The following SLC1A2 variants were observed in gnomAD, a reference collection of about 807,000 sequenced individuals.
SLC1A2 encodes the protein solute carrier family 1 member 2.
A neutral mutation model predicts 48.8 loss-of-function variants in SLC1A2; 15 were observed. The ratio of observed to expected loss-of-function variants is 0.31; its 90% CI spans 0.21 to 0.47. The LOEUF (loss-of-function observed/expected upper bound fraction) is 0.47. Ranked by LOEUF, SLC1A2 falls within the 20% of genes least tolerant of loss-of-function variation. The probability of loss-of-function intolerance (pLI) is 0.99; values close to 1 mark genes in which losing one functional copy is unlikely to be tolerated. For missense variants in SLC1A2, 502 were observed against 730.5 expected (o/e 0.69, Z 3.61); for synonymous variants, 279 against 272.6 (o/e 1.02, Z -0.23).
chr11:35,338,826 G>T (rs1852730791), intron 1 of SLC1A2, among the ~76,000 whole-genome samples: 2 of 152,170 alleles, frequency 1.3e-5, no homozygotes, highest in Admixed American at 1.3e-4. Context: ...CTTTGAAATA[G>T]ACACAATTAC....
At chr11:35,376,405 T>A (rs1854230228) in intron 1 of SLC1A2, among the ~76,000 whole-genome samples, 1 of 152,218 alleles carries the variant, frequency 6.6e-6, no homozygotes, top group Non-Finnish European at 1.5e-5. Context: ...TTTCTTAGTT[T>A]CGATCAATGC....
intron 1 of SLC1A2, among the ~76,000 whole-genome samples, chr11:35,324,817 GACCCAAC>G (rs1345149446): frequency 6.6e-6 from 1 of 152,032 alleles, no homozygotes; most frequent in Non-Finnish European, 1.5e-5. Flanking sequence ...AGCCAGCTTT[GACCCAAC>G]AAATTTGCTT....
At chr11:35,343,200 G>A (rs1852905643) in intron 1 of SLC1A2, among the ~76,000 whole-genome samples, 1 of 152,230 alleles carries the variant, frequency 6.6e-6, no homozygotes, top group African/African-American at 2.4e-5. Context: ...AGCAGCATAG[G>A]CTAGGGGCTG....
intron 1 of SLC1A2, among the ~76,000 whole-genome samples, chr11:35,395,522 G>A (rs960349345): frequency 1.3e-5 from 2 of 151,982 alleles, no homozygotes; most frequent in African/African-American, 4.8e-5. Flanking sequence ...CCATGGGGAG[G>A]TGACAAACAC....
At chr11:35,289,871 T>C (rs10488816) in intron 7 of SLC1A2, among the ~76,000 whole-genome samples, 39,276 of 152,086 alleles carry the variant, frequency 0.26, 5,228 homozygotes, top group Admixed American at 0.3. Context: ...TTGTGACACA[T>C]GAGCTAATAT....
chr11:35,416,324 C>A (rs1855602600), intron 1 of SLC1A2, among the ~76,000 whole-genome samples: 1 of 152,222 alleles, frequency 6.6e-6, no homozygotes, highest in Non-Finnish European at 1.5e-5. Context: ...CAGATGATAA[C>A]CCCAAAGCTT....
At chr11:35,263,154 A>C (rs886731401) in intron 10 of SLC1A2, among the ~76,000 whole-genome samples, 2 of 152,192 alleles carry the variant, frequency 1.3e-5, no homozygotes, top group African/African-American at 4.8e-5. Context: ...TAGGGCTTGA[A>C]ATAGTTTGCT....
intron 1 of SLC1A2, among the ~76,000 whole-genome samples, chr11:35,331,553 G>A (rs1267567790): frequency 1.3e-5 from 2 of 152,192 alleles, no homozygotes. Context: ...TTCTTCTTAA[G>A]AGAAGAATGT....
chr11:35,277,101 G>A (rs1341240761), intron 9 of SLC1A2, among the ~76,000 whole-genome samples: 1 of 152,170 alleles, frequency 6.6e-6, no homozygotes, highest in African/African-American at 2.4e-5. Context: ...GAGCCTTCAC[G>A]ATATAATCAC....
In SLC1A2 at chr11:35,259,582, G is replaced by A. The variant is rs993827323; in HGVS notation, c.*1312C>T. 1.3e-5 allele frequency: 2 copies of A among 152,220 alleles called. No homozygotes were observed. Among genetic ancestry groups the A allele is most frequent in the Non-Finnish European group, 2.9e-5 (2 of 68,038 alleles). The allele number at this position is 152,220 out of a possible 1,614,324, so 9.4% of individuals were successfully genotyped here. On this transcript the variant is annotated 3_prime_UTR_variant, in exon 11 of 11. Coordinates refer to ENST00000278379, the MANE Select transcript of SLC1A2 (RefSeq NM_004171.4). ...CTTAAAACTTCACAGCCTTAAACAAGATTCCATCTGTGAAGTTGTACAGAG... is the reference window on the plus strand; with the variant it reads ...CTTAAAACTTCACAGCCTTAAACAAAATTCCATCTGTGAAGTTGTACAGAG...
chr11:35,349,395 C>T (rs1853159594), intron 1 of SLC1A2, among the ~76,000 whole-genome samples: 2 of 152,130 alleles, frequency 1.3e-5, no homozygotes, highest in South Asian at 4.2e-4. Flanking sequence ...TTTCTGTGCC[C>T]TAGAGACCAA....
intron 8 of SLC1A2, among the ~76,000 whole-genome samples, chr11:35,281,439 G>A (rs776793785): frequency 6.6e-6 from 1 of 152,104 alleles, no homozygotes; most frequent in Non-Finnish European, 1.5e-5. Context: ...ATGTGGCAAG[G>A]GTCTAAGAAG....
intron 1 of SLC1A2, among the ~76,000 whole-genome samples, chr11:35,349,421 C>T (rs1347710728): frequency 6.6e-6 from 1 of 152,184 alleles, no homozygotes; most frequent in African/African-American, 2.4e-5. Context: ...CTTGTCCAGC[C>T]AATGCCCAGG....
rs1394588689 is a variant in SLC1A2 at position 35,254,842 on chromosome 11, CA to C, written c.*6051del. 2.2e-6 allele frequency: 1 copy of C among 454,360 alleles called. No homozygotes were observed. The highest frequency in any genetic ancestry group is 1.6e-5 in the South Asian group (1 of 64,170). 28.1% of individuals were successfully genotyped at this position (454,360 alleles called of 1,614,324 possible). On this transcript the variant is annotated 3_prime_UTR_variant, in exon 11 of 11. Coordinates refer to ENST00000278379, the MANE Select transcript of SLC1A2 (RefSeq NM_004171.4). ...AAACCAGAAGGATTTTGTAAAATAT[CA>C]AAATGAATATTTGGCCTGGAGGTTG...
At chr11:35,273,440 G>C (rs1850342435) in intron 9 of SLC1A2, among the ~76,000 whole-genome samples, 1 of 152,214 alleles carries the variant, frequency 6.6e-6, no homozygotes, top group African/African-American at 2.4e-5. Flanking sequence ...AACATATGGA[G>C]AGGGATACTC....
intron 4 of SLC1A2, chr11:35,307,286 G>A (rs1236008318): frequency 2.0e-5 from 3 of 152,210 alleles, no homozygotes; most frequent in South Asian, 2.1e-4. Flanking sequence ...ACCATGGCAG[G>A]AGCATTTGCT....
chr11:35,407,969 C>T (rs961457312), intron 1 of SLC1A2, among the ~76,000 whole-genome samples: 1 of 152,348 alleles, frequency 6.6e-6, no homozygotes, highest in East Asian at 1.9e-4. Context: ...TCTAACTGCC[C>T]AGTGAACATC....
At chr11:35,282,607 CT>C (rs1412874036) in intron 8 of SLC1A2, among the ~76,000 whole-genome samples, 1 of 151,932 alleles carries the variant, frequency 6.6e-6, no homozygotes, top group East Asian at 1.9e-4. Flanking sequence ...GCCCTGAAAG[CT>C]GGAAGATGGG....
intron 1 of SLC1A2, among the ~76,000 whole-genome samples, chr11:35,400,989 G>A (rs969290357): frequency 1.3e-5 from 2 of 152,150 alleles, no homozygotes; most frequent in African/African-American, 4.8e-5. Context: ...CAGGACAACT[G>A]GAAGCAAGGA....
Sources: allele counts gnomAD v4.1 joint callset (sites outside exome capture counted in the v4.1 genomes callset), GRCh38; gene constraint gnomAD v4.1.1; transcripts MANE v1.5; gene names NCBI Gene and HGNC (gene_info 2026-07-23, HGNC 2026-07-21).